The following FREM1 variants were observed in gnomAD, a reference collection of about 807,000 sequenced individuals.
The protein encoded by FREM1 is FRAS1-related extracellular matrix protein 1.
A neutral mutation model predicts 210.1 loss-of-function variants in FREM1; 220 were observed. The observed-to-expected ratio is 1.05, with a 90% CI of 0.94 to 1.17. The LOEUF is 1.17. Ranked by LOEUF, FREM1 falls within the 50% of genes most tolerant of loss-of-function variation. FREM1 has a pLI of 0.00. For missense variants in FREM1, 3,454 were observed against 2,675.5 expected (o/e 1.29, Z -6.42); for synonymous variants, 1,189 against 980.2 (o/e 1.21, Z -3.98).
At position 14,857,573 on chromosome 9, in the gene FREM1, T is replaced by A; in HGVS notation, c.808A>T (p.Arg270Trp). ...ISIQLDLTDT[R>W]SKIVYKSESA... ...TCTACCTTGTACACAATTTTGCTCC[T>A]GGTATCTGTGAGGTCCAGTTGGATG... The change falls in exon 5 of 37, where the codon AGG (arginine) becomes TGG (tryptophan). Residue 270 changes from arginine (R) to tryptophan (W), a missense_variant. By Grantham distance (101) the Arg-to-Trp change is moderately radical. Coordinates refer to ENST00000380880, the MANE Select transcript of FREM1 (RefSeq NM_001379081.2). 3.7e-6 allele frequency: 6 copies of A among 1,613,650 alleles called. No homozygotes were observed. The highest frequency in any genetic ancestry group is 4.2e-6 in the Non-Finnish European group (5 of 1,179,814).
At chr9:14,782,772 G>C (rs553717060) in intron 24 of FREM1, among the ~76,000 whole-genome samples, 1 of 152,300 alleles carries the variant, frequency 6.6e-6, no homozygotes, top group South Asian at 2.1e-4. Context: ...GCCAGGTGTT[G>C]TTCTACTAAT....
At chr9:14,747,472 A>G in intron 32 of FREM1, 44 bp from the exon 33 acceptor site, 1 of 1,567,438 alleles carries the variant, frequency 6.4e-7, no homozygotes, top group Non-Finnish European at 8.7e-7. Context: ...AAAAACAAAC[A>G]TCAAGATAGC....
At chr9:14,884,766 C>T (rs1279342602) in intron 1 of FREM1, among the ~76,000 whole-genome samples, 1 of 152,064 alleles carries the variant, frequency 6.6e-6, no homozygotes. Context: ...AAATTCTTAA[C>T]GGTCAATGGT....
At chr9:14,742,115 A>T (rs909420299) in intron 35 of FREM1, among the ~76,000 whole-genome samples, 2 of 152,220 alleles carry the variant, frequency 1.3e-5, no homozygotes, top group African/African-American at 4.8e-5. Flanking sequence ...TACATATAAA[A>T]TGTGGTGGGT....
At chr9:14,837,748 T>G (rs1004962438) in intron 10 of FREM1, among the ~76,000 whole-genome samples, 4 of 152,200 alleles carry the variant, frequency 2.6e-5, no homozygotes, top group African/African-American at 9.6e-5. Context: ...TGACACAGAC[T>G]GCAGGAGAAT....
chr9:14,768,956 A>C (rs1189535823), intron 27 of FREM1, among the ~76,000 whole-genome samples: 1 of 152,070 alleles, frequency 6.6e-6, no homozygotes, highest in Non-Finnish European at 1.5e-5. Flanking sequence ...AAACAAACAA[A>C]ATGAACAAAC....
intron 25 of FREM1, among the ~76,000 whole-genome samples, chr9:14,771,268 C>G (rs540440695): frequency 6.6e-6 from 1 of 152,242 alleles, no homozygotes; most frequent in East Asian, 1.9e-4. Context: ...GATTTACAGA[C>G]ACAAAATTGT....
chr9:14,829,641 C>A (rs995319283), intron 10 of FREM1, among the ~76,000 whole-genome samples: 17 of 152,174 alleles, frequency 1.1e-4, no homozygotes, highest in African/African-American at 3.4e-4. Flanking sequence ...AGAAGGCCCT[C>A]ACAAGATGTA....
chr9:14,762,215 G>T (rs1845620046), intron 27 of FREM1, among the ~76,000 whole-genome samples: 1 of 152,196 alleles, frequency 6.6e-6, no homozygotes, highest in African/African-American at 2.4e-5. Flanking sequence ...CAGCAAGATG[G>T]ATTAGGGGAA....
chr9:14,896,530 G>A (rs1837756393), intron 1 of FREM1, among the ~76,000 whole-genome samples: 1 of 137,752 alleles, frequency 7.3e-6, no homozygotes, highest in Non-Finnish European at 1.5e-5. Context: ...GGGCCACAGA[G>A]CGAGACTCCA....
At chr9:14,772,763 A>AAG (rs1847815948) in intron 25 of FREM1, among the ~76,000 whole-genome samples, 1 of 152,224 alleles carries the variant, frequency 6.6e-6, no homozygotes, top group African/African-American at 2.4e-5. Flanking sequence ...AGTGGCCAGT[A>AAG]AGAGAGATGG....
chr9:14,895,767 C>G (rs947886518), intron 1 of FREM1, among the ~76,000 whole-genome samples: 1 of 151,948 alleles, frequency 6.6e-6, no homozygotes, highest in East Asian at 1.9e-4. Flanking sequence ...GACATACTGA[C>G]GCTTTCTGAC....
At chr9:14,778,767 G>A (rs1849149721) in intron 24 of FREM1, among the ~76,000 whole-genome samples, 1 of 104,314 alleles carries the variant, frequency 9.6e-6, no homozygotes, top group South Asian at 3.6e-4. Context: ...AGGAAGTCAG[G>A]CGCGGTAGCT....
At chr9:14,858,566 T>C (rs1829231340) in intron 4 of FREM1, among the ~76,000 whole-genome samples, 1 of 151,816 alleles carries the variant, frequency 6.6e-6, no homozygotes, top group Non-Finnish European at 1.5e-5. Context: ...AAATGTGCCG[T>C]TAACTGTCAT....
At chr9:14,896,769 T>C (rs992683453) in intron 1 of FREM1, among the ~76,000 whole-genome samples, 1 of 152,112 alleles carries the variant, frequency 6.6e-6, no homozygotes, top group Non-Finnish European at 1.5e-5. Flanking sequence ...AGGAGCAAAA[T>C]GCTCTAATGA....
intron 3 of FREM1, among the ~76,000 whole-genome samples, chr9:14,863,391 A>G (rs975130714): frequency 2.0e-5 from 3 of 152,020 alleles, no homozygotes; most frequent in Non-Finnish European, 4.4e-5. Context: ...TTAAAAATGG[A>G]AGATATTGCA....
At chr9:14,906,028 T>A (rs898981071) in intron 1 of FREM1, among the ~76,000 whole-genome samples, 1 of 152,250 alleles carries the variant, frequency 6.6e-6, no homozygotes, top group Admixed American at 6.5e-5. Context: ...TTCCTGTTTC[T>A]CTTTTCTTTT....
intron 18 of FREM1, 27 bp downstream of exon 18, chr9:14,806,634 A>G: frequency 7.6e-7 from 1 of 1,323,578 alleles, no homozygotes. Context: ...GAAGGGAGTC[A>G]TTGCTGGTGA....
At chr9:14,771,240 A>G (rs906566627) in intron 25 of FREM1, among the ~76,000 whole-genome samples, 1 of 152,066 alleles carries the variant, frequency 6.6e-6, no homozygotes, top group African/African-American at 2.4e-5. Context: ...AACTTCTCCT[A>G]TTTTCCTGGT....
Sources: allele counts gnomAD v4.1 joint callset (sites outside exome capture counted in the v4.1 genomes callset), GRCh38; gene constraint gnomAD v4.1.1; transcripts MANE v1.5; gene names NCBI Gene and HGNC (gene_info 2026-07-23, HGNC 2026-07-21).